NEGR1: variants seen among roughly 807,000 people sequenced by gnomAD.
NEGR1 encodes IgLON family member 4.
NEGR1 carries 10 observed loss-of-function variants against 40.9 expected under a neutral mutation model. The observed-to-expected ratio is 0.24, with a 90% CI of 0.15 to 0.42. NEGR1 has a LOEUF of 0.42. Among genes scored for constraint, NEGR1 ranks in the 10% least tolerant of loss-of-function variants. The pLI is 1.00. For missense variants in NEGR1, 352 were observed against 438.9 expected, an observed-to-expected ratio of 0.80 and a Z score of 1.77; for synonymous variants, 185 against 166.8, an observed-to-expected ratio of 1.11 and a Z score of -0.84.
chr1:72,028,296 A>T (rs1047915206), intron 1 of NEGR1, among the ~76,000 whole-genome samples: 5 of 152,102 alleles, frequency 3.3e-5, no homozygotes, highest in African/African-American at 1.2e-4. Context: ...CCTTGCTTTA[A>T]TCTTTCACCT....
chr1:71,447,016 A>T (rs1646587022), intron 6 of NEGR1, among the ~76,000 whole-genome samples: 1 of 152,202 alleles, frequency 6.6e-6, no homozygotes, highest in South Asian at 2.1e-4. Flanking sequence ...CCACTGTATA[A>T]ATATACCACA....
At chr1:71,813,528 T>C (rs1658082150) in intron 2 of NEGR1, among the ~76,000 whole-genome samples, 1 of 152,170 alleles carries the variant, frequency 6.6e-6, no homozygotes, top group South Asian at 2.1e-4. Context: ...TTGGAAACTA[T>C]GGCCATTTTC....
At chr1:72,116,896 T>A (rs1234981685) in intron 1 of NEGR1, among the ~76,000 whole-genome samples, 2 of 151,918 alleles carry the variant, frequency 1.3e-5, no homozygotes, top group Non-Finnish European at 2.9e-5. Context: ...ATAACAAGAA[T>A]ATTAATTGAA....
chr1:71,483,080 G>A (rs991595774), intron 6 of NEGR1, among the ~76,000 whole-genome samples: 3 of 151,732 alleles, frequency 2.0e-5, no homozygotes, highest in Non-Finnish European at 4.4e-5. Context: ...ACTTGGAGAA[G>A]TCAGTGAGAG....
intron 1 of NEGR1, among the ~76,000 whole-genome samples, chr1:71,957,790 C>T (rs1320006814): frequency 6.6e-6 from 1 of 152,196 alleles, no homozygotes; most frequent in Non-Finnish European, 1.5e-5. Context: ...TCATGGCCCA[C>T]AGAATTAAGC....
chr1:71,513,526 T>G (rs952388471), intron 6 of NEGR1, among the ~76,000 whole-genome samples: 7 of 152,260 alleles, frequency 4.6e-5, no homozygotes, highest in Admixed American at 3.3e-4. Flanking sequence ...AACATCTTTC[T>G]CCTGAAGGCA....
At chr1:72,193,434 T>A (rs1178351569) in intron 1 of NEGR1, among the ~76,000 whole-genome samples, 1 of 151,726 alleles carries the variant, frequency 6.6e-6, no homozygotes, top group Non-Finnish European at 1.5e-5. Flanking sequence ...TTAGGGACTA[T>A]ATGAATCTGC....
chr1:72,179,196 G>C (rs1338931149), intron 1 of NEGR1, among the ~76,000 whole-genome samples: 1 of 151,984 alleles, frequency 6.6e-6, no homozygotes, highest in East Asian at 1.9e-4. Flanking sequence ...TGAAAGGTAG[G>C]AGTTCCCTTT....
intron 6 of NEGR1, among the ~76,000 whole-genome samples, chr1:71,545,484 G>A (rs1287829886): frequency 6.6e-6 from 1 of 151,656 alleles, no homozygotes; most frequent in Non-Finnish European, 1.5e-5. Flanking sequence ...ATCCAGTCTT[G>A]TAGATTGTCC....
intron 1 of NEGR1, among the ~76,000 whole-genome samples, chr1:72,079,878 T>C (rs928319501): frequency 1.3e-5 from 2 of 152,066 alleles, no homozygotes; most frequent in African/African-American, 2.4e-5. Context: ...ATTAAAAAAT[T>C]TGGAGATCAC....
chr1:71,863,030 G>A (rs1278356734), intron 2 of NEGR1, among the ~76,000 whole-genome samples: 1 of 152,284 alleles, frequency 6.6e-6, no homozygotes, highest in African/African-American at 2.4e-5. Flanking sequence ...CATTGTAGAA[G>A]AGAGTATGGT....
intron 4 of NEGR1, 79 bp downstream of exon 4, chr1:71,697,929 A>G (rs1002236699): frequency 1.7e-5 from 23 of 1,384,872 alleles, no homozygotes; most frequent in Non-Finnish European, 2.3e-5. Context: ...AAAAACAGCA[A>G]CATAAATTTC....
intron 4 of NEGR1, among the ~76,000 whole-genome samples, chr1:71,611,512 T>A (rs183997549): frequency 6.6e-6 from 1 of 152,324 alleles, no homozygotes; most frequent in African/African-American, 2.4e-5. Context: ...GTCACTGGGC[T>A]AGGTGCTTTA....
At chr1:72,179,208 A>C (rs1054667463) in intron 1 of NEGR1, among the ~76,000 whole-genome samples, 2 of 152,018 alleles carry the variant, frequency 1.3e-5, no homozygotes, top group African/African-American at 4.8e-5. Context: ...GTTCCCTTTC[A>C]ATCCTGCATA....
intron 6 of NEGR1, among the ~76,000 whole-genome samples, chr1:71,493,276 A>T (rs577261412): frequency 2.0e-5 from 3 of 152,232 alleles, no homozygotes; most frequent in African/African-American, 7.2e-5. Context: ...GGAGACGTTG[A>T]CCTCTAATGC....
At chr1:72,236,328 T>C (rs534266118) in intron 1 of NEGR1, among the ~76,000 whole-genome samples, 1 of 152,048 alleles carries the variant, frequency 6.6e-6, no homozygotes, top group African/African-American at 2.4e-5. Flanking sequence ...AAATACCTAA[T>C]GTAGATAACA....
chr1:72,261,848 T>C (rs900941357), intron 1 of NEGR1, among the ~76,000 whole-genome samples: 3 of 152,028 alleles, frequency 2.0e-5, no homozygotes, highest in Non-Finnish European at 2.9e-5. Flanking sequence ...ATGATAGACA[T>C]TGGAGATCCC....
intron 1 of NEGR1, among the ~76,000 whole-genome samples, chr1:72,110,223 A>ATT (rs1649303561): frequency 8.4e-6 from 1 of 119,194 alleles, no homozygotes; most frequent in Non-Finnish European, 1.7e-5. Context: ...GAGTATAATA[A>ATT]AAAAAAAAAA....
chr1:72,122,232 T>C (rs761745843), intron 1 of NEGR1, among the ~76,000 whole-genome samples: 18 of 151,982 alleles, frequency 1.2e-4, no homozygotes, highest in Non-Finnish European at 2.5e-4. Flanking sequence ...AAACCACAGC[T>C]CTCAACAAGC....
Sources: allele counts gnomAD v4.1 joint callset (sites outside exome capture counted in the v4.1 genomes callset), GRCh38; gene constraint gnomAD v4.1.1; transcripts MANE v1.5; gene names NCBI Gene and HGNC (gene_info 2026-07-23, HGNC 2026-07-21).